OR14I1: variants seen among roughly 807,000 people sequenced by gnomAD.
The protein encoded by OR14I1 is olfactory receptor family 14 subfamily I member 1, also known as olfactory receptor 14I1.
For synonymous variants in OR14I1, 118 were observed against 71.1 expected (o/e 1.66, Z -3.32); for missense variants, 279 against 181.8 (o/e 1.53, Z -3.07).
chr1:248,699,904 C>T, the OR14I1 span, among the ~76,000 whole-genome samples: 1 of 152,258 alleles, frequency 6.6e-6, no homozygotes, highest in African/African-American at 2.4e-5. Flanking sequence ...ACTACAGGCA[C>T]GTGCCACCAC....
chr1:248,688,544 A>G, the OR14I1 span, among the ~76,000 whole-genome samples: 84 of 152,386 alleles, frequency 5.5e-4, no homozygotes, highest in African/African-American at 2.0e-3. Flanking sequence ...ACTGAAGACT[A>G]GAACAAATAT....
exon 1 of OR14I1, chr1:248,681,346 TCTATAGTAAAGA>T (rs1473436690): frequency 1.5e-6 from 1 of 669,282 alleles, no homozygotes; most frequent in Non-Finnish European, 2.7e-6. Flanking sequence ...TTGCAGATCT[TCTATAGTAAAGA>T]CCAGGATGTT....
chr1:248,680,605 A>G (rs1040705588), downstream of OR14I1, among the ~76,000 whole-genome samples: 2 of 152,234 alleles, frequency 1.3e-5, no homozygotes, highest in African/African-American at 4.8e-5. Context: ...GGCGATGATG[A>G]TAATCACCAG....
chr1:248,702,440 C>T, the OR14I1 span, among the ~76,000 whole-genome samples: 1 of 152,158 alleles, frequency 6.6e-6, no homozygotes, highest in East Asian at 1.9e-4. Context: ...TATTTATTGT[C>T]CCTCTTTTCT....
At chr1:248,683,259 C>CT (rs1351454212), upstream of OR14I1, among the ~76,000 whole-genome samples, 1 of 152,044 alleles carries the variant, frequency 6.6e-6, no homozygotes, top group Non-Finnish European at 1.5e-5. Flanking sequence ...ACAAAAATAA[C>CT]TTTTTTCTAT....
the OR14I1 span, among the ~76,000 whole-genome samples, chr1:248,695,155 GT>G: frequency 6.8e-6 from 1 of 147,368 alleles, no homozygotes; most frequent in African/African-American, 2.5e-5. Context: ...TGAAATTTTC[GT>G]TATTTTGTCT....
At chr1:248,686,599 A>G (rs975057231), upstream of OR14I1, among the ~76,000 whole-genome samples, 6 of 149,528 alleles carry the variant, frequency 4.0e-5, no homozygotes, top group African/African-American at 1.5e-4. Context: ...TTCATTGGAA[A>G]AAAATATGAA....
chr1:248,683,446 AT>A (rs1661595366), upstream of OR14I1, among the ~76,000 whole-genome samples: 1 of 152,232 alleles, frequency 6.6e-6, no homozygotes, highest in South Asian at 2.1e-4. Context: ...TGATTTTAAA[AT>A]CAGGTTACTG....
At chr1:248,687,370 T>C in the OR14I1 span, among the ~76,000 whole-genome samples, 3 of 152,224 alleles carry the variant, frequency 2.0e-5, no homozygotes. Flanking sequence ...TGTTTCTGTA[T>C]TGCACATAGA....
At chr1:248,682,993 G>A (rs550692726), upstream of OR14I1, among the ~76,000 whole-genome samples, 3 of 152,258 alleles carry the variant, frequency 2.0e-5, no homozygotes, top group East Asian at 1.9e-4. Flanking sequence ...CTCTGTGCCC[G>A]ATGCTATTAT....
chr1:248,693,169 A>G, the OR14I1 span, among the ~76,000 whole-genome samples: 2 of 152,166 alleles, frequency 1.3e-5, no homozygotes, highest in Non-Finnish European at 2.9e-5. Context: ...GGCATCCTGC[A>G]TCACCTCCCA....
At chr1:248,701,968 G>A in the OR14I1 span, among the ~76,000 whole-genome samples, 14 of 152,128 alleles carry the variant, frequency 9.2e-5, no homozygotes, top group South Asian at 2.1e-4. Flanking sequence ...TTACAATCAC[G>A]GTGGAAGGTG....
At chr1:248,701,186 C>G in the OR14I1 span, among the ~76,000 whole-genome samples, 12,320 of 152,132 alleles carry the variant, frequency 0.081, 1,633 homozygotes, top group African/African-American at 0.28. Flanking sequence ...GAGTCTCTCT[C>G]TATCACCCAG....
the OR14I1 span, among the ~76,000 whole-genome samples, chr1:248,694,659 C>G: frequency 6.6e-6 from 1 of 152,138 alleles, no homozygotes; most frequent in Non-Finnish European, 1.5e-5. Flanking sequence ...TCTATCTAAC[C>G]ATGAGAATTT....
At chr1:248,694,655 T>C in the OR14I1 span, among the ~76,000 whole-genome samples, 9 of 152,216 alleles carry the variant, frequency 5.9e-5, no homozygotes, top group South Asian at 1.7e-3. Context: ...AGAATCTATC[T>C]AACCATGAGA....
At chr1:248,691,428 T>C in the OR14I1 span, among the ~76,000 whole-genome samples, 5 of 152,198 alleles carry the variant, frequency 3.3e-5, no homozygotes, top group Non-Finnish European at 5.9e-5. Context: ...GGGTAGAATG[T>C]TCCCGTCAGA....
chr1:248,698,945 A>C, the OR14I1 span: 2 of 152,218 alleles, frequency 1.3e-5, no homozygotes, highest in Non-Finnish European at 2.9e-5. Flanking sequence ...GGGTTTTCCA[A>C]TTGCTAACAA....
At chr1:248,690,719 T>C in the OR14I1 span, among the ~76,000 whole-genome samples, 1 of 149,648 alleles carries the variant, frequency 6.7e-6, no homozygotes, top group Non-Finnish European at 1.5e-5. Context: ...AACTGTTCCC[T>C]AACTCATTTT....
the OR14I1 span, among the ~76,000 whole-genome samples, chr1:248,695,371 C>T: frequency 5.8e-3 from 879 of 151,480 alleles, 13 homozygotes; most frequent in Admixed American, 0.04. Flanking sequence ...GTAGCTGGGA[C>T]TACAGGCGCC....
Sources: gnomAD v4.1 joint callset for allele counts (sites outside exome capture counted in the v4.1 genomes callset) on GRCh38, gnomAD v4.1.1 for gene constraint, MANE v1.5 for transcripts, NCBI Gene and HGNC (gene_info 2026-07-23, HGNC 2026-07-21) for gene names.